Variants in SPOCK1 observed in about 807,000 individuals in gnomAD.
The protein encoded by SPOCK1 is testican-1.
In SPOCK1, 23 loss-of-function variants were observed where a neutral mutation model predicts 55.3. The observed-to-expected ratio is 0.42, with a 90% CI of 0.30 to 0.59. The LOEUF is 0.59. SPOCK1 is among the 20% of genes least tolerant of loss of function. SPOCK1 has a pLI of 0.22. For synonymous variants in SPOCK1, 226 were observed against 221.0 expected, an observed-to-expected ratio of 1.02 and a Z score of -0.20; for missense variants, 499 against 552.5, an observed-to-expected ratio of 0.90 and a Z score of 0.97.
intron 3 of SPOCK1, among the ~76,000 whole-genome samples, chr5:137,248,897 G>C (rs1756453237): frequency 6.6e-6 from 1 of 152,170 alleles, no homozygotes; most frequent in Non-Finnish European, 1.5e-5. Context: ...TGAGAATCTT[G>C]GCCAAGGAGG....
intron 6 of SPOCK1, among the ~76,000 whole-genome samples, chr5:137,012,247 G>A (rs528413228): frequency 6.6e-6 from 1 of 152,254 alleles, no homozygotes; most frequent in South Asian, 2.1e-4. Context: ...GCAGAACTGG[G>A]AGTCACATTC....
chr5:137,445,519 T>C (rs891086212), intron 2 of SPOCK1, among the ~76,000 whole-genome samples: 3 of 152,200 alleles, frequency 2.0e-5, no homozygotes, highest in Admixed American at 1.3e-4. Flanking sequence ...ACAAGGTCCC[T>C]GAAGAGTATC....
chr5:137,366,535 G>A (rs1751067451), intron 2 of SPOCK1, among the ~76,000 whole-genome samples: 1 of 152,144 alleles, frequency 6.6e-6, no homozygotes. Context: ...TCCAATATCT[G>A]TGCCCTAAAT....
At chr5:137,192,725 C>T (rs1023583682) in intron 3 of SPOCK1, among the ~76,000 whole-genome samples, 8 of 152,262 alleles carry the variant, frequency 5.3e-5, no homozygotes, top group Non-Finnish European at 1.0e-4. Context: ...TAGACTATGG[C>T]CCAGCAGCTA....
chr5:137,086,430 G>A (rs1232784684), intron 5 of SPOCK1, among the ~76,000 whole-genome samples: 1 of 152,204 alleles, frequency 6.6e-6, no homozygotes, highest in East Asian at 1.9e-4. Flanking sequence ...CAGCCCTCAG[G>A]GAGGAGGTCA....
rs541024403 is a variant in SPOCK1 at position 137,133,643 on chromosome 5, C to T, written c.347+6937G>A. ...ATAAAACCTTGTTCAGTGAAGGCTC[C>T]ACAAACAGCTAGGTCCTTAACCTGA... is the stretch of plus-strand genomic sequence containing the variant. On this transcript the variant is annotated intron_variant, in intron 4 of 10. Coordinates refer to ENST00000394945, the MANE Select transcript of SPOCK1 (RefSeq NM_004598.4). Among the ~76,000 whole-genome samples the T allele has an allele frequency of 1.8e-4, 28 of 152,102 alleles. 1 individual carries two copies. In the Middle Eastern group the frequency reaches 0.02, roughly 111 times the overall value.
At chr5:137,352,270 T>C (rs1208159851) in intron 2 of SPOCK1, among the ~76,000 whole-genome samples, 1 of 152,238 alleles carries the variant, frequency 6.6e-6, no homozygotes, top group Non-Finnish European at 1.5e-5. Flanking sequence ...CTAGATGTTC[T>C]TCCTCAAGGC....
At chr5:137,356,822 TATATATATATATATATAGAG>T (rs1561513820) in intron 2 of SPOCK1, among the ~76,000 whole-genome samples, 1 of 23,244 alleles carries the variant, frequency 4.3e-5, no homozygotes, top group Non-Finnish European at 7.7e-5. Flanking sequence ...TATATATATA[TATATATATATATATATAGAG>T]AGAGAGAGAG....
intron 2 of SPOCK1, among the ~76,000 whole-genome samples, chr5:137,284,796 G>T (rs1276352208): frequency 4.6e-5 from 7 of 152,138 alleles, no homozygotes; most frequent in Admixed American, 4.6e-4. Context: ...GGAAAGGAGG[G>T]GTGGGTTCAA....
At chr5:136,984,349 C>T (rs1379501033) in intron 9 of SPOCK1, among the ~76,000 whole-genome samples, 2 of 152,022 alleles carry the variant, frequency 1.3e-5, no homozygotes, top group African/African-American at 4.8e-5. Flanking sequence ...TGGCAGGCTG[C>T]TTGGGGAATG....
intron 6 of SPOCK1, among the ~76,000 whole-genome samples, chr5:137,019,632 T>C (rs1000190632): frequency 6.6e-6 from 1 of 152,136 alleles, no homozygotes; most frequent in South Asian, 2.1e-4. Flanking sequence ...TTTGCCAAGA[T>C]TTTACTTAGA....
At chr5:137,126,934 T>C (rs1753792625) in intron 4 of SPOCK1, among the ~76,000 whole-genome samples, 1 of 152,178 alleles carries the variant, frequency 6.6e-6, no homozygotes, top group South Asian at 2.1e-4. Flanking sequence ...CTCCTCCTGA[T>C]TGCTTACAGT....
chr5:137,430,710 A>G (rs769855123), intron 2 of SPOCK1, among the ~76,000 whole-genome samples: 1 of 152,138 alleles, frequency 6.6e-6, no homozygotes, highest in South Asian at 2.1e-4. Context: ...GAGGAACTTA[A>G]TCACTCTCAT....
At chr5:137,377,526 T>G (rs562730198) in intron 2 of SPOCK1, among the ~76,000 whole-genome samples, 19 of 152,376 alleles carry the variant, frequency 1.2e-4, no homozygotes, top group African/African-American at 4.3e-4. Flanking sequence ...TAGAAAAATA[T>G]TTTAATGTGT....
At chr5:137,019,030 AT>A (rs1751509605) in intron 6 of SPOCK1, among the ~76,000 whole-genome samples, 1 of 152,186 alleles carries the variant, frequency 6.6e-6, no homozygotes, top group Non-Finnish European at 1.5e-5. Context: ...TTCAATAGTA[AT>A]AAAAAAGTAA....
At chr5:137,391,225 G>A (rs762657495) in intron 2 of SPOCK1, among the ~76,000 whole-genome samples, 2 of 152,152 alleles carry the variant, frequency 1.3e-5, no homozygotes, top group South Asian at 2.1e-4. Context: ...TGCAAAAGAC[G>A]TGAACTCATC....
intron 2 of SPOCK1, among the ~76,000 whole-genome samples, chr5:137,477,524 T>G (rs1753860748): frequency 6.6e-6 from 1 of 152,180 alleles, no homozygotes; most frequent in Non-Finnish European, 1.5e-5. Context: ...AACTTGCACC[T>G]CTAGCTTCTG....
chr5:137,074,706 T>C (rs1205622947), intron 5 of SPOCK1, among the ~76,000 whole-genome samples: 1 of 150,354 alleles, frequency 6.7e-6, no homozygotes, highest in South Asian at 2.1e-4. Flanking sequence ...GTTGTTGTTG[T>C]TGTTGTTGTT....
intron 2 of SPOCK1, among the ~76,000 whole-genome samples, chr5:137,366,898 C>A (rs1369720854): frequency 6.6e-6 from 1 of 152,164 alleles, no homozygotes. Context: ...AGAAAAGTAT[C>A]AGACCAAGTA....
Sources: gnomAD v4.1 joint callset for allele counts (sites outside exome capture counted in the v4.1 genomes callset) on GRCh38, gnomAD v4.1.1 for gene constraint, MANE v1.5 for transcripts, NCBI Gene and HGNC (gene_info 2026-07-23, HGNC 2026-07-21) for gene names.